WDR47: variants seen among roughly 807,000 people sequenced by gnomAD.
WDR47 encodes WD repeat domain 47.
Under a neutral mutation model 97.2 loss-of-function variants are expected in WDR47, and 32 were observed. The observed-to-expected ratio is 0.33, with a 90% CI of 0.25 to 0.44. WDR47 has a LOEUF of 0.44. WDR47 is among the 20% of genes least tolerant of loss of function. The pLI, the probability that WDR47 is intolerant of heterozygous loss-of-function variation, is 1.00. For synonymous variants in WDR47, 375 were observed against 373.5 expected, an observed-to-expected ratio of 1.00 and a Z score of -0.05; for missense variants, 782 against 1,102.3, an observed-to-expected ratio of 0.71 and a Z score of 4.11.
chr1:108,989,599 C>T (rs778475613), intron 9 of WDR47, among the ~76,000 whole-genome samples: 2 of 152,192 alleles, frequency 1.3e-5, no homozygotes, highest in Non-Finnish European at 2.9e-5. Context: ...GGAAAAACGA[C>T]TAATTAACTA....
intron 1 of WDR47, among the ~76,000 whole-genome samples, chr1:109,037,985 A>G (rs753926273): frequency 2.0e-5 from 3 of 151,448 alleles, no homozygotes; most frequent in Non-Finnish European, 2.9e-5. Flanking sequence ...GGTGTGCACC[A>G]CCACACTCAG....
chr1:109,021,389 G>A (rs1052689039), intron 2 of WDR47, among the ~76,000 whole-genome samples: 4 of 151,994 alleles, frequency 2.6e-5, no homozygotes, highest in Admixed American at 2.6e-4. Context: ...TTAGCCGGAC[G>A]TGGTGGTGTG....
At chr1:109,019,484 T>A (rs1278502706) in intron 2 of WDR47, among the ~76,000 whole-genome samples, 1 of 149,838 alleles carries the variant, frequency 6.7e-6, no homozygotes. Context: ...CAACTGGGGG[T>A]GATTTTGCAT....
At chr1:108,982,844 G>T in intron 11 of WDR47, 65 bp from the exon 12 acceptor site, 2 of 1,498,084 alleles carry the variant, frequency 1.3e-6, no homozygotes, top group Non-Finnish European at 1.8e-6. Context: ...ACTTGAGATT[G>T]CTAAACTACC....
intron 10 of WDR47, among the ~76,000 whole-genome samples, chr1:108,984,489 C>T (rs1402458922): frequency 6.6e-6 from 1 of 152,184 alleles, no homozygotes; most frequent in Non-Finnish European, 1.5e-5. Context: ...TTTCAGCATA[C>T]TAGTCTACTT....
Position 109,023,372 on chromosome 1 carries a change from A to G in WDR47, c.141T>C (p.Asp47=), listed in dbSNP as rs769808311. ...AATCATACCTCAGGAAAAGCATATCATCTGAAAACAGGCCATTTATGACTC... is the reference window on the plus strand; with the variant it reads ...AATCATACCTCAGGAAAAGCATATCGTCTGAAAACAGGCCATTTATGACTC... ...ESGVINGLFS[D]DMLFLRQLIL... is the part of the protein sequence containing the mutation. The change falls in exon 2 of 15, where the codon GAT becomes GAC. Residue 47 remains aspartate (D), a synonymous_variant. Coordinates refer to ENST00000369962, the MANE Select transcript of WDR47 (RefSeq NM_001142551.2). 1.9e-6 allele frequency: 3 copies of G among 1,613,486 alleles called. No individual in the cohort carries two copies. The East Asian group carries it at 6.7e-5, about 36-fold the overall frequency.
At chr1:109,014,061 A>G (rs966391769) in intron 3 of WDR47, 136 bp from the exon 4 acceptor site, 6 of 581,672 alleles carry the variant, frequency 1.0e-5, no homozygotes, top group Admixed American at 6.9e-5. Flanking sequence ...TGAAGCCATA[A>G]CTGAAGTTCA....
At chr1:109,030,643 A>G (rs1333426203) in intron 1 of WDR47, among the ~76,000 whole-genome samples, 1 of 90,330 alleles carries the variant, frequency 1.1e-5, no homozygotes, top group Non-Finnish European at 2.6e-5. Flanking sequence ...ACATGGAACA[A>G]TAGTGCTTTA....
chr1:109,033,926 T>C (rs1019481758), intron 1 of WDR47, among the ~76,000 whole-genome samples: 13 of 151,818 alleles, frequency 8.6e-5, no homozygotes, highest in African/African-American at 2.9e-4. Flanking sequence ...GTCAAAAAAA[T>C]AAAAGTAAAA....
chr1:108,984,820 G>A (rs1250239600), intron 10 of WDR47, among the ~76,000 whole-genome samples: 2 of 152,212 alleles, frequency 1.3e-5, no homozygotes, highest in South Asian at 2.1e-4. Context: ...GGAGGTTACA[G>A]TGAGCTGAGG....
chr1:109,011,642 C>G lies in WDR47; in HGVS notation c.404G>C (p.Ser135Thr). ...CAAAGTCAAAAGCAAACAGAGCTTA[C>G]TATAGTCATCTTTAGAAGGACAGTA... ...EEYCPSKDDY[S>T]KLCLLLTLPR... The change falls in exon 5 of 15, where the codon AGT becomes ACT. Residue 135 changes from serine (S) to threonine (T), a missense_variant. Physicochemically the swap from Ser to Thr is moderately conservative, Grantham distance 58. This residue lies in a region of WDR47 where 428 missense variants were observed against 584.3 expected (regional missense o/e 0.73). Coordinates refer to ENST00000369962, the MANE Select transcript of WDR47 (RefSeq NM_001142551.2). 3.7e-6 allele frequency: 6 copies of G among 1,614,140 alleles called. No individual in the cohort carries two copies. The highest frequency in any genetic ancestry group is 5.1e-6 in the Non-Finnish European group (6 of 1,180,028).
chr1:109,027,583 G>A (rs1353573875), intron 1 of WDR47, among the ~76,000 whole-genome samples: 2 of 151,096 alleles, frequency 1.3e-5, no homozygotes, highest in African/African-American at 4.9e-5. Context: ...GAGTGCAGTG[G>A]TGCAATCTCG....
At chr1:109,029,351 C>T (rs1325076553) in intron 1 of WDR47, among the ~76,000 whole-genome samples, 3 of 151,616 alleles carry the variant, frequency 2.0e-5, no homozygotes, top group East Asian at 3.9e-4. Context: ...GCTGAAACCC[C>T]GTCTCTACTA....
intron 2 of WDR47, among the ~76,000 whole-genome samples, chr1:109,018,321 C>T (rs1050759694): frequency 6.6e-6 from 1 of 151,274 alleles, no homozygotes; most frequent in African/African-American, 2.4e-5. Flanking sequence ...TGGTGGCGGG[C>T]GCCCGTAATC....
intron 1 of WDR47, among the ~76,000 whole-genome samples, chr1:109,038,332 T>A (rs1165310850): frequency 6.6e-6 from 1 of 152,162 alleles, no homozygotes; most frequent in African/African-American, 2.4e-5. Context: ...CTGTGAAGTA[T>A]AAAAATTTAC....
chr1:108,999,238 A>AAAG (rs1484535537), intron 7 of WDR47, among the ~76,000 whole-genome samples: 1 of 151,940 alleles, frequency 6.6e-6, no homozygotes, highest in Non-Finnish European at 1.5e-5. Flanking sequence ...CAAAAAAAAA[A>AAAG]AAAATTATAT....
chr1:108,971,430 C>G lies in WDR47; in HGVS notation c.2760G>C (p.Ter920TyrextTer15). ...TGCATAGACTGACATGCGGTGTGCT[C>G]TACCCATTGTAAGTCCAGAGGGTGA... The part of the protein sequence containing the change: ...RTVTLWTYNG[*>Y] Residue 920 changes from the stop codon to tyrosine, a stop_lost, in exon 15 of 15, where the codon TAG becomes TAC. Transcript: ENST00000369962. The G allele has an allele frequency of 6.2e-7, 1 of 1,614,156 alleles. No homozygotes were observed. Among genetic ancestry groups the G allele is most frequent in the Non-Finnish European group, 8.5e-7 (1 of 1,180,028 alleles).
At chr1:109,002,541 T>C (rs1019307909) in intron 6 of WDR47, 139 bp from the exon 7 acceptor site, 11 of 740,638 alleles carry the variant, frequency 1.5e-5, no homozygotes, top group South Asian at 2.8e-5. Flanking sequence ...CTATTGCTCT[T>C]TGAAAAACAG....
chr1:108,976,711 T>G (rs1160753628), intron 13 of WDR47, among the ~76,000 whole-genome samples: 1 of 152,180 alleles, frequency 6.6e-6, no homozygotes, highest in Non-Finnish European at 1.5e-5. Context: ...AGAAGGCCTC[T>G]CTGGCTAGGT....
Sources: allele counts gnomAD v4.1 joint callset (sites outside exome capture counted in the v4.1 genomes callset), GRCh38; gene constraint gnomAD v4.1.1; regional missense constraint gnomAD v4.1.1; transcripts MANE v1.5; gene names NCBI Gene and HGNC (gene_info 2026-07-23, HGNC 2026-07-21).